Variants in CNOT4 observed in about 807,000 individuals in gnomAD.
CNOT4 encodes CCR4-associated factor 4.
CNOT4 carries 8 observed loss-of-function variants against 73.8 expected under a neutral mutation model. The ratio of observed to expected loss-of-function variants is 0.11; its 90% CI spans 0.06 to 0.20. The LOEUF is 0.20. CNOT4 is among the 10% of genes least tolerant of loss of function. The probability of loss-of-function intolerance (pLI) is 1.00; values close to 1 mark genes in which losing one functional copy is unlikely to be tolerated. For missense variants in CNOT4, 564 were observed against 883.4 expected (o/e 0.64, Z 4.58); for synonymous variants, 293 against 321.1 (o/e 0.91, Z 0.94).
At chr7:135,390,995 T>C (rs1474553381) in intron 10 of CNOT4, among the ~76,000 whole-genome samples, 2 of 152,168 alleles carry the variant, frequency 1.3e-5, no homozygotes, top group Non-Finnish European at 2.9e-5. Flanking sequence ...GGTATCATGA[T>C]AACTGCTAAA....
At chr7:135,411,155 A>C (rs1027480025) in intron 6 of CNOT4, among the ~76,000 whole-genome samples, 3 of 152,088 alleles carry the variant, frequency 2.0e-5, no homozygotes, top group Admixed American at 6.6e-5. Flanking sequence ...GACACTAAGT[A>C]AAACTTCCAT....
At position 135,438,256 on chromosome 7, in the gene CNOT4, T is replaced by C. The variant is rs370995460; in HGVS notation, c.76A>G (p.Ile26Val). 1.2e-5 allele frequency: 20 copies of C among 1,613,740 alleles called. No individual in the cohort carries two copies. The highest frequency in any genetic ancestry group is 1.7e-5 in the Non-Finnish European group (20 of 1,179,644). The change falls in exon 2 of 12, where the codon ATC becomes GTC. Residue 26 changes from isoleucine (I) to valine (V), a missense_variant. By Grantham distance (29) the Ile-to-Val change is conservative. Coordinates refer to ENST00000541284, the MANE Select transcript of CNOT4 (RefSeq NM_001190850.2). ...LCMEPLEIDD[I>V]NFFPCTCGYQ... is the part of the protein sequence containing the mutation. ...CCACAGGTGCAAGGGAAAAAGTTGA[T>C]ATCATCTATCTCCAAGGGCTCCATG...
intron 10 of CNOT4, among the ~76,000 whole-genome samples, chr7:135,385,697 C>T (rs768146077): frequency 1.3e-5 from 2 of 152,106 alleles, no homozygotes; most frequent in African/African-American, 2.4e-5. Context: ...GTATTCAATA[C>T]CCTTTGTTGC....
At chr7:135,490,533 C>A (rs1803039642) in intron 1 of CNOT4, among the ~76,000 whole-genome samples, 1 of 151,570 alleles carries the variant, frequency 6.6e-6, no homozygotes, top group Non-Finnish European at 1.5e-5. Flanking sequence ...CCCTCCCTTT[C>A]TAATTTCCTC....
chr7:135,493,570 G>T (rs946256327), intron 1 of CNOT4, among the ~76,000 whole-genome samples: 3 of 151,970 alleles, frequency 2.0e-5, no homozygotes, highest in African/African-American at 7.3e-5. Flanking sequence ...AGTTGAAGAG[G>T]ATTGAAAAAA....
intron 7 of CNOT4, among the ~76,000 whole-genome samples, chr7:135,403,140 G>T (rs1227661878): frequency 6.6e-6 from 1 of 152,166 alleles, no homozygotes; most frequent in African/African-American, 2.4e-5. Context: ...AAGGATAAAA[G>T]TCAACATAAC....
chr7:135,409,703 A>G (rs1157722376), intron 7 of CNOT4, among the ~76,000 whole-genome samples: 2 of 152,170 alleles, frequency 1.3e-5, no homozygotes, highest in Non-Finnish European at 2.9e-5. Context: ...AAAGATCATC[A>G]ACATAAATTA....
At chr7:135,421,707 T>A (rs17480406) in intron 3 of CNOT4, among the ~76,000 whole-genome samples, 6,906 of 152,328 alleles carry the variant, frequency 0.045, 223 homozygotes, top group Middle Eastern at 0.12. Context: ...GTAATAGTTC[T>A]GAAAAATCAA....
At chr7:135,393,184 T>C (rs1359582055) in intron 10 of CNOT4, among the ~76,000 whole-genome samples, 2 of 152,320 alleles carry the variant, frequency 1.3e-5, no homozygotes, top group South Asian at 2.1e-4. Flanking sequence ...AAATGTTATA[T>C]AGAATCTTAA....
rs1491396187 is a variant in CNOT4 at position 135,495,750 on chromosome 7, GAA to G, written c.-93+14137_-93+14138del. Among the ~76,000 whole-genome samples the G allele has an allele frequency of 1.2e-3, 125 of 106,788 alleles. 4 individuals are homozygous for G. Among genetic ancestry groups the G allele is most frequent in the Admixed American group, 4.1e-3 (45 of 10,984 alleles). The allele number at this position is 106,788 out of a possible 152,430, so 70.1% of individuals were successfully genotyped here. On this transcript the variant is annotated intron_variant, in intron 1 of 11. Coordinates refer to ENST00000541284, the MANE Select transcript of CNOT4 (RefSeq NM_001190850.2). ...AGAAAGAAAGAAAGAAAGAAAGAAA[GAA>G]AGAAAGAAAGAAATTTAAGAACATT...
chr7:135,387,882 A>C, intron 10 of CNOT4: 2 of 966,212 alleles, frequency 2.1e-6, no homozygotes, highest in Non-Finnish European at 2.5e-6. Context: ...CTTCTGCCTT[A>C]GTCTCATTCT....
chr7:135,395,636 G>A lies in CNOT4; in HGVS notation c.1127C>T (p.Ser376Leu). ...TACTTGGTACTATTGTTATATACCTGATGTGAAGAGGCTCTGTGGTTCTGG... is the reference window on the plus strand; with the variant it reads ...TACTTGGTACTATTGTTATATACCTAATGTGAAGAGGCTCTGTGGTTCTGG... ...TAPEPQSLFT[S>L]ETIPVSSSTD... is the part of the protein sequence containing the mutation. Residue 376 changes from serine to leucine, a missense_variant and splice_region_variant, in exon 9 of 12, where the codon TCA becomes TTA. Ser to Leu is a moderately radical substitution (Grantham distance 145). Around this residue, in one of 10 missense-constraint regions of CNOT4, gnomAD observed 14 missense variants for 60.4 expected, o/e 0.23. Transcript: ENST00000541284. The A allele has an allele frequency of 6.2e-7, 1 of 1,613,686 alleles. No homozygotes were observed. The highest frequency in any genetic ancestry group is 8.5e-7 in the Non-Finnish European group (1 of 1,179,696).
intron 10 of CNOT4, among the ~76,000 whole-genome samples, chr7:135,376,060 A>C (rs1406997587): frequency 6.6e-6 from 1 of 152,128 alleles, no homozygotes; most frequent in Non-Finnish European, 1.5e-5. Flanking sequence ...AATTAATCAC[A>C]TAGTCAGTGG....
intron 10 of CNOT4, among the ~76,000 whole-genome samples, chr7:135,366,844 C>T (rs1374512771): frequency 6.6e-6 from 1 of 152,196 alleles, no homozygotes; most frequent in Non-Finnish European, 1.5e-5. Flanking sequence ...TCAGCTTAAT[C>T]CTAATCCCAT....
chr7:135,456,513 T>C (rs1800537432), intron 1 of CNOT4, among the ~76,000 whole-genome samples: 2 of 152,192 alleles, frequency 1.3e-5, no homozygotes, highest in East Asian at 3.9e-4. Context: ...GTATATAATA[T>C]GAAATATAAT....
intron 1 of CNOT4, among the ~76,000 whole-genome samples, chr7:135,483,321 G>A (rs929728882): frequency 6.6e-6 from 1 of 150,786 alleles, no homozygotes; most frequent in Non-Finnish European, 1.5e-5. Context: ...CTGAGTGACA[G>A]TTTAAGACTT....
chr7:135,456,829 AG>A (rs1386837150), intron 1 of CNOT4, among the ~76,000 whole-genome samples: 3 of 152,090 alleles, frequency 2.0e-5, no homozygotes, highest in African/African-American at 4.8e-5. Context: ...TAAAGGGTTC[AG>A]TACTATCTGC....
At chr7:135,509,811 C>A in intron 1 of CNOT4, 78 bp downstream of exon 1, 1 of 380,908 alleles carries the variant, frequency 2.6e-6, no homozygotes, top group South Asian at 1.4e-4. Context: ...GCGGCCTGTA[C>A]AGTCCCAGCG....
rs927818839 is a variant in CNOT4 at position 135,510,089 on chromosome 7, G to A, written c.-293C>T. The A allele has an allele frequency of 5.0e-6, 2 of 399,022 alleles. No individual in the cohort carries two copies. The highest frequency in any genetic ancestry group is 8.8e-6 in the Non-Finnish European group (2 of 226,142). 24.7% of individuals were successfully genotyped at this position (399,022 alleles called of 1,614,324 possible). On this transcript the variant is annotated 5_prime_UTR_variant, in exon 1 of 12. Coordinates refer to ENST00000541284, the MANE Select transcript of CNOT4 (RefSeq NM_001190850.2). ...CAGACGGGCCACCATCTTACATTAG[G>A]GTAAGACTCCTCCGGCCTCCCGTGC...
Sources: gnomAD v4.1 joint callset for allele counts (sites outside exome capture counted in the v4.1 genomes callset) on GRCh38, gnomAD v4.1.1 for gene constraint, gnomAD v4.1.1 regional missense constraint, MANE v1.5 for transcripts, NCBI Gene and HGNC (gene_info 2026-07-23, HGNC 2026-07-21) for gene names.